Variants in DDX50 observed in about 807,000 individuals in gnomAD.
DDX50 encodes the protein ATP-dependent RNA helicase DDX50.
DDX50 carries 56 observed loss-of-function variants against 94.8 expected under a neutral mutation model. The ratio of observed to expected loss-of-function variants is 0.59; its 90% CI spans 0.48 to 0.74. The LOEUF is 0.74. Among genes scored for constraint, DDX50 ranks in the 30% least tolerant of loss-of-function variants. DDX50 has a pLI of 0.00. For missense variants in DDX50, 713 were observed against 881.2 expected (o/e 0.81, Z 2.42); for synonymous variants, 264 against 295.4 (o/e 0.89, Z 1.09).
intron 1 of DDX50, among the ~76,000 whole-genome samples, chr10:68,903,025 C>T (rs1564597050): frequency 6.6e-6 from 1 of 152,188 alleles, no homozygotes; most frequent in East Asian, 1.9e-4. Flanking sequence ...TCCAGAAATA[C>T]ATATTGACTG....
chr10:68,910,977 A>G (rs1484199205), intron 3 of DDX50, 91 bp from the exon 4 acceptor site: 5 of 1,039,072 alleles, frequency 4.8e-6, no homozygotes, highest in Non-Finnish European at 6.6e-6. Flanking sequence ...TTAGGCAGAC[A>G]TAGAAGAATT....
At chr10:68,931,607 CT>C (rs958738402) in intron 8 of DDX50, among the ~76,000 whole-genome samples, 1 of 150,984 alleles carries the variant, frequency 6.6e-6, no homozygotes. Flanking sequence ...CACCCGGCTA[CT>C]TTTTTAGTAG....
chr10:68,939,610 C>T (rs370255934), intron 12 of DDX50, among the ~76,000 whole-genome samples: 6 of 152,244 alleles, frequency 3.9e-5, no homozygotes, highest in African/African-American at 1.4e-4. Context: ...TACACAAGGC[C>T]TTTGTACATA....
intron 13 of DDX50, 126 bp downstream of exon 13, chr10:68,941,320 G>C: frequency 1.6e-6 from 2 of 1,268,990 alleles, no homozygotes; most frequent in Middle Eastern, 2.0e-4. Context: ...TTCTCTGTTA[G>C]TTTGTTTCCA....
chr10:68,934,597 TAAAG>T lies in DDX50; in HGVS notation c.1402-198_1402-195del, dbSNP rs1195183227. Among the ~76,000 whole-genome samples the T allele has an allele frequency of 6.6e-5, 10 of 152,224 alleles. No homozygotes were observed. In the East Asian group the frequency reaches 1.9e-3, roughly 29 times the overall value. On this transcript the variant is annotated intron_variant, in intron 9 of 14. Coordinates refer to ENST00000373585, the MANE Select transcript of DDX50 (RefSeq NM_024045.2). The surrounding 1 kb of genome is among the most constrained non-coding windows in gnomAD (Gnocchi z 4.0). ...GGCAGAGAATTACAAAAAGTTGCCA[TAAAG>T]AAACCTGGGATGAGGTGGATTAAAA... is the stretch of plus-strand genomic sequence containing the variant.
At chr10:68,931,051 C>G (rs1842249796) in intron 8 of DDX50, among the ~76,000 whole-genome samples, 1 of 152,156 alleles carries the variant, frequency 6.6e-6, no homozygotes, top group South Asian at 2.1e-4. Flanking sequence ...TTGCCCCAAG[C>G]TAGGTCAGAT....
intron 8 of DDX50, among the ~76,000 whole-genome samples, chr10:68,930,683 G>T (rs896093297): frequency 6.6e-6 from 1 of 152,064 alleles, no homozygotes; most frequent in Admixed American, 6.6e-5. Context: ...GGGAGACAGG[G>T]TCTCACTCTG....
At chr10:68,944,744 A>G (rs956131869) in intron 14 of DDX50, among the ~76,000 whole-genome samples, 1 of 152,062 alleles carries the variant, frequency 6.6e-6, no homozygotes, top group African/African-American at 2.4e-5. Flanking sequence ...ACGGGGTTTC[A>G]CCATGTTGGC....
intron 8 of DDX50, among the ~76,000 whole-genome samples, chr10:68,929,265 C>CTTCA: frequency 2.7e-5 from 2 of 74,398 alleles, no homozygotes; most frequent in Non-Finnish European, 6.5e-5. Context: ...TCCTTCCTTC[C>CTTCA]TTCCTTCCTT....
At chr10:68,902,079 C>T (rs1166864857) in intron 1 of DDX50, among the ~76,000 whole-genome samples, 1 of 150,558 alleles carries the variant, frequency 6.6e-6, no homozygotes, top group Admixed American at 6.7e-5. Flanking sequence ...TTGTACCATA[C>T]TCTTTGCTGA....
At chr10:68,936,681 A>C (rs1323214886) in intron 11 of DDX50, among the ~76,000 whole-genome samples, 4 of 150,908 alleles carry the variant, frequency 2.7e-5, no homozygotes, top group South Asian at 2.1e-4. Flanking sequence ...TCTACAAAAA[A>C]TACAAAGATT....
At chr10:68,902,413 ACC>A (rs1841319630) in intron 1 of DDX50, among the ~76,000 whole-genome samples, 1 of 152,182 alleles carries the variant, frequency 6.6e-6, no homozygotes, top group Admixed American at 6.5e-5. Context: ...TACCTCTCTG[ACC>A]TTATCACTAA....
intron 7 of DDX50, among the ~76,000 whole-genome samples, chr10:68,914,599 G>A (rs1026847468): frequency 2.0e-5 from 3 of 152,088 alleles, no homozygotes; most frequent in Non-Finnish European, 2.9e-5. Flanking sequence ...AAAAAAGATA[G>A]ATCCTCATCC....
At chr10:68,944,141 T>C (rs925946856) in intron 14 of DDX50, among the ~76,000 whole-genome samples, 1 of 152,146 alleles carries the variant, frequency 6.6e-6, no homozygotes, top group African/African-American at 2.4e-5. Flanking sequence ...ATAATTAAAC[T>C]CCCCCAAAAT....
chr10:68,915,020 CAA>C lies in DDX50; in HGVS notation c.1089+832_1089+833del, dbSNP rs34542931. 7.9e-4 allele frequency among the ~76,000 whole-genome samples: 89 copies of C among 112,556 alleles called. 2 individuals carry two copies. The highest frequency in any genetic ancestry group is 8.1e-4 in the African/African-American group (24 of 29,652). 73.8% of individuals were successfully genotyped at this position (112,556 alleles called of 152,430 possible). A position where few individuals can be genotyped will look rare whatever the true frequency, so the allele number is the denominator to read the frequency against. ...TGGGTGACAGAGGGAGACCCTGTCT[CAA>C]AAAAAAAAAAAAAAACCACAGAAGT... On this transcript the variant is annotated intron_variant, in intron 7 of 14. Coordinates refer to ENST00000373585, the MANE Select transcript of DDX50 (RefSeq NM_024045.2).
Position 68,906,775 on chromosome 10 carries a change from G to A in DDX50, c.152G>A (p.Gly51Asp). The A allele has an allele frequency of 1.2e-6, 2 of 1,613,310 alleles. No homozygotes were observed. The highest frequency in any genetic ancestry group is 1.7e-6 in the Non-Finnish European group (2 of 1,179,858). ...SDEKSETRENGVTDDLDAPKA... is the reference protein window; with the variant it reads ...SDEKSETRENDVTDDLDAPKA... ...GAGAAATCAGAAACAAGAGAAAATG[G>A]TGTTACAGATGACCTGGATGCTCCC... Residue 51 changes from glycine (G) to aspartate (D), a missense_variant, in exon 2 of 15, where the codon GGT becomes GAT. By Grantham distance (94) the Gly-to-Asp change is moderately conservative. This residue lies in a region of DDX50 where 285 missense variants were observed against 278.9 expected (regional missense o/e 1.02). Coordinates refer to ENST00000373585, the MANE Select transcript of DDX50 (RefSeq NM_024045.2).
At chr10:68,912,198 TTTTTG>T (rs919487885) in intron 4 of DDX50, among the ~76,000 whole-genome samples, 1 of 152,036 alleles carries the variant, frequency 6.6e-6, no homozygotes, top group African/African-American at 2.4e-5. Context: ...CACTGCTTTT[TTTTTG>T]TTTTGTTTTG....
intron 7 of DDX50, 139 bp downstream of exon 7, chr10:68,914,343 T>A: frequency 1.1e-6 from 1 of 917,324 alleles, no homozygotes; most frequent in Non-Finnish European, 1.6e-6. Flanking sequence ...ACCTATATAT[T>A]TTTATAGTCT....
intron 7 of DDX50, among the ~76,000 whole-genome samples, chr10:68,915,678 T>C (rs1453435333): frequency 3.4e-5 from 5 of 148,660 alleles, no homozygotes; most frequent in Non-Finnish European, 7.4e-5. Context: ...ATCGTGCCAC[T>C]GCACTCCAGT....
Sources: gnomAD v4.1 joint callset for allele counts (sites outside exome capture counted in the v4.1 genomes callset) on GRCh38, gnomAD v4.1.1 for gene constraint, gnomAD v4.1.1 regional missense constraint, Gnocchi (gnomAD v3.1) non-coding constraint, MANE v1.5 for transcripts, NCBI Gene and HGNC (gene_info 2026-07-23, HGNC 2026-07-21) for gene names.